Variants in UGT8 observed in about 807,000 individuals in gnomAD.
The protein encoded by UGT8 is UDP glycosyltransferase 8, also known as 2-hydroxyacylsphingosine 1-beta-galactosyltransferase.
Under a neutral mutation model 40.5 loss-of-function variants are expected in UGT8, and 12 were observed. That is an observed-to-expected ratio of 0.30 (90% CI 0.19 to 0.48). The LOEUF is 0.48. Among genes scored for constraint, UGT8 ranks in the 20% least tolerant of loss-of-function variants. The pLI is 0.99. For missense variants in UGT8, 513 were observed against 648.7 expected (o/e 0.79, Z 2.27); for synonymous variants, 224 against 240.4 (o/e 0.93, Z 0.63).
chr4:114,671,125 G>A (rs745764268), intron 5 of UGT8, among the ~76,000 whole-genome samples: 27 of 152,098 alleles, frequency 1.8e-4, no homozygotes, highest in Non-Finnish European at 5.9e-5. Flanking sequence ...CCTCTTCAAG[G>A]AGAACTACAA....
At chr4:114,665,275 G>A in intron 3 of UGT8, 1 of 526,480 alleles carries the variant, frequency 1.9e-6, no homozygotes, top group Non-Finnish European at 2.4e-6. Context: ...AGGGTGTTAA[G>A]GATTTAGGGA....
chr4:114,668,075 C>A lies in UGT8; in HGVS notation c.1043-10C>A. Reference sequence around the variant, plus strand: ...TGTTGTAAGTTGTTTTCTTTTTCATCTTTCTTCAGGGCATTCAAAGATTAA... The same window carrying A: ...TGTTGTAAGTTGTTTTCTTTTTCATATTTCTTCAGGGCATTCAAAGATTAA... On this transcript the variant is annotated splice_polypyrimidine_tract_variant and intron_variant, in intron 4 of 5. Coordinates refer to ENST00000310836, the MANE Select transcript of UGT8 (RefSeq NM_001128174.3). 1 of 1,606,698 alleles carries A rather than the reference C, an allele frequency of 6.2e-7. No individual in the cohort carries two copies. The highest frequency in any genetic ancestry group is 1.1e-5 in the South Asian group (1 of 90,200).
At chr4:114,600,041 G>GGA (rs1442257878) in intron 1 of UGT8, among the ~76,000 whole-genome samples, 4 of 152,144 alleles carry the variant, frequency 2.6e-5, no homozygotes, top group Non-Finnish European at 4.4e-5. Flanking sequence ...GGCGGGGAGA[G>GGA]GAGAGAAGGT....
At chr4:114,613,146 C>T (rs955415000) in intron 1 of UGT8, among the ~76,000 whole-genome samples, 2 of 152,060 alleles carry the variant, frequency 1.3e-5, no homozygotes, top group Admixed American at 6.6e-5. Context: ...ATGCATGCTG[C>T]AATCATTTTA....
At chr4:114,654,565 GT>G (rs1410751424) in intron 2 of UGT8, among the ~76,000 whole-genome samples, 4 of 152,068 alleles carry the variant, frequency 2.6e-5, no homozygotes, top group Non-Finnish European at 5.9e-5. Flanking sequence ...CCTCAGGCTT[GT>G]TCAGTCTCAT....
chr4:114,626,146 G>A (rs1732204444), intron 2 of UGT8, among the ~76,000 whole-genome samples: 1 of 152,154 alleles, frequency 6.6e-6, no homozygotes, highest in Non-Finnish European at 1.5e-5. Flanking sequence ...ATGATGTGCA[G>A]TACTCTTTCA....
At chr4:114,599,430 C>G (rs181274325) in intron 1 of UGT8, among the ~76,000 whole-genome samples, 32 of 152,240 alleles carry the variant, frequency 2.1e-4, no homozygotes, top group African/African-American at 7.0e-4. Context: ...CCAGGAGGAG[C>G]TTCGGGACCT....
intron 1 of UGT8, among the ~76,000 whole-genome samples, chr4:114,614,460 C>G (rs563127413): frequency 3.5e-4 from 54 of 152,120 alleles, no homozygotes; most frequent in African/African-American, 1.3e-3. Flanking sequence ...AATAGTAACA[C>G]AATATTTTTC....
rs1735731885 is a variant in UGT8 at position 114,677,546 on chromosome 4, A to G, written c.*1258A>G. The G allele has an allele frequency of 6.6e-6, 1 of 152,208 alleles. No individual in the cohort carries two copies. The highest frequency in any genetic ancestry group is 2.4e-5 in the African/African-American group (1 of 41,444). 9.4% of individuals were successfully genotyped at this position (152,208 alleles called of 1,614,324 possible). On this transcript the variant is annotated 3_prime_UTR_variant, in exon 6 of 6. Transcript: ENST00000310836. ...CTCACCCCAGCAGCCTTTTCCGGTC[A>G]TTGTAGCTGACATGGAGCAGTGACA... is the stretch of plus-strand genomic sequence containing the variant.
chr4:114,662,827 T>C (rs2126131486), intron 2 of UGT8, among the ~76,000 whole-genome samples: 1 of 133,046 alleles, frequency 7.5e-6, no homozygotes, highest in East Asian at 2.2e-4. Flanking sequence ...TTTTTTTTTT[T>C]TTTTTTTTTT....
At chr4:114,657,688 CT>C (rs913767645) in intron 2 of UGT8, among the ~76,000 whole-genome samples, 115 of 146,386 alleles carry the variant, frequency 7.9e-4, no homozygotes, top group African/African-American at 2.0e-3. Flanking sequence ...GCAGAATGAC[CT>C]TTTTTTTTTT....
intron 2 of UGT8, among the ~76,000 whole-genome samples, chr4:114,629,740 G>A (rs998297846): frequency 2.0e-5 from 3 of 152,130 alleles, no homozygotes; most frequent in African/African-American, 4.8e-5. Context: ...ATCTGCTTCT[G>A]TAAGCATTAT....
chr4:114,657,938 G>T (rs1578456483), intron 2 of UGT8, among the ~76,000 whole-genome samples: 1 of 152,170 alleles, frequency 6.6e-6, no homozygotes, highest in African/African-American at 2.4e-5. Context: ...TGGAATTGGG[G>T]TTTGAAGCAA....
At chr4:114,606,638 G>A (rs1424883069) in intron 1 of UGT8, among the ~76,000 whole-genome samples, 1 of 152,086 alleles carries the variant, frequency 6.6e-6, no homozygotes, top group Non-Finnish European at 1.5e-5. Context: ...ACTGACTGTT[G>A]GTTTTGAAAA....
chr4:114,614,608 A>T (rs761850803), intron 1 of UGT8, among the ~76,000 whole-genome samples: 2 of 152,182 alleles, frequency 1.3e-5, no homozygotes, highest in Non-Finnish European at 1.5e-5. Flanking sequence ...GTGAAATGGA[A>T]CCAAATTCCT....
rs1731980338 is a variant in UGT8, at chr4:114,623,524, A to T, written c.644A>T (p.Tyr215Phe). 1.9e-6 allele frequency: 3 copies of T among 1,614,130 alleles called. No individual in the cohort carries two copies. Among genetic ancestry groups the T allele is most frequent in the Non-Finnish European group, 2.5e-6 (3 of 1,180,010 alleles). Residue 215 changes from tyrosine to phenylalanine, a missense_variant, in exon 2 of 6, where the codon TAT becomes TTT. By Grantham distance (22) the Tyr-to-Phe change is conservative (BLOSUM62 3). Coordinates refer to ENST00000310836, the MANE Select transcript of UGT8 (RefSeq NM_001128174.3). ...GTCAGCTTTCTGGTTCTTCCCAAAT[A>T]TGAAAGGATAATGCAGAAGTACAAC... The part of the protein sequence containing the change: ...LGVSFLVLPK[Y>F]ERIMQKYNLL...
chr4:114,638,491 C>T (rs765981298), intron 2 of UGT8, among the ~76,000 whole-genome samples: 3 of 152,284 alleles, frequency 2.0e-5, no homozygotes, highest in South Asian at 2.1e-4. Context: ...CATTAACAGA[C>T]GAGGCAAATT....
chr4:114,649,692 A>T (rs1314052438), intron 2 of UGT8, among the ~76,000 whole-genome samples: 1 of 152,152 alleles, frequency 6.6e-6, no homozygotes, highest in South Asian at 2.1e-4. Context: ...TTCAGCTAAG[A>T]CTAGAAAATG....
At chr4:114,626,878 A>G (rs1732256900) in intron 2 of UGT8, among the ~76,000 whole-genome samples, 1 of 152,214 alleles carries the variant, frequency 6.6e-6, no homozygotes, top group African/African-American at 2.4e-5. Context: ...ACTCAAGTCA[A>G]ATGAAACCAT....
Sources: gnomAD v4.1 joint callset for allele counts (sites outside exome capture counted in the v4.1 genomes callset) on GRCh38, gnomAD v4.1.1 for gene constraint, MANE v1.5 for transcripts, NCBI Gene and HGNC (gene_info 2026-07-23, HGNC 2026-07-21) for gene names.